Variants in GINS4 observed in about 807,000 individuals in gnomAD.
GINS4 encodes DNA replication complex GINS protein SLD5.
In GINS4, 20 loss-of-function variants were observed where a neutral mutation model predicts 31.1. The ratio of observed to expected loss-of-function variants is 0.64; its 90% confidence interval spans 0.45 to 0.93. The LOEUF (loss-of-function observed/expected upper bound fraction) is 0.93. Among genes scored for constraint, GINS4 ranks in the 40% least tolerant of loss-of-function variants. GINS4 has a pLI of 0.00. For synonymous variants in GINS4, 85 were observed against 97.9 expected (o/e 0.87, Z 0.78); for missense variants, 245 against 273.9 (o/e 0.89, Z 0.75).
chr8:41,533,392 C>T (rs1585619373), intron 2 of GINS4, among the ~76,000 whole-genome samples: 2 of 152,196 alleles, frequency 1.3e-5, no homozygotes, highest in African/African-American at 4.8e-5. Flanking sequence ...TGAGCATCAT[C>T]GGGGTCCTTG....
chr8:41,541,710 C>A, intron 6 of GINS4, 99 bp from the exon 7 acceptor site: 1 of 890,964 alleles, frequency 1.1e-6, no homozygotes, highest in Non-Finnish European at 1.8e-6. Flanking sequence ...GGGCTCCTAT[C>A]TAAACCCTGA....
intron 1 of GINS4, 26 bp downstream of exon 1, chr8:41,529,422 GCT>G (rs1391848949): frequency 1.3e-5 from 2 of 152,326 alleles, no homozygotes; most frequent in Non-Finnish European, 2.9e-5. Flanking sequence ...GACCTCTGTG[GCT>G]AGGGCAGGCC....
chr8:41,532,723 C>G (rs1188415831), intron 2 of GINS4, among the ~76,000 whole-genome samples: 1 of 151,434 alleles, frequency 6.6e-6, no homozygotes, highest in Non-Finnish European at 1.5e-5. Context: ...ATCCCAGCTA[C>G]TCAGGAGGTT....
At position 41,538,606 on chromosome 8, in the gene GINS4, G is replaced by C. The variant is rs80066009; in HGVS notation, c.298-1072G>C. Among the ~76,000 whole-genome samples, 269 of 151,980 alleles carry C rather than the reference G, an allele frequency of 1.8e-3. 5 individuals carry two copies. Among genetic ancestry groups the C allele is most frequent in the African/African-American group, 6.0e-3 (247 of 41,420 alleles). On this transcript the variant is annotated intron_variant, in intron 4 of 7. Transcript: ENST00000276533. ...TCTTAAGCTTTATCTTATTAAATTG[G>C]GCCATTTCCCTTGTCTCTGGATGCT... is the stretch of plus-strand genomic sequence containing the variant.
chr8:41,537,372 C>CCCCAGCCCAAGTT, intron 4 of GINS4, 79 bp downstream of exon 4: 1 of 1,087,828 alleles, frequency 9.2e-7, no homozygotes, highest in Non-Finnish European at 1.4e-6. Context: ...AAAACTTGGG[C>CCCCAGCCCAAGTT]TGGGGCCCAG....
intron 4 of GINS4, among the ~76,000 whole-genome samples, chr8:41,539,335 A>G (rs895430132): frequency 6.7e-6 from 1 of 149,840 alleles, no homozygotes; most frequent in Non-Finnish European, 1.5e-5. Context: ...AAAAAAAAAA[A>G]AAAAAAAACC....
At position 41,530,347 on chromosome 8, in the gene GINS4, A is replaced by T. The variant is rs751141338; in HGVS notation, c.96+49A>T. The T allele has an allele frequency of 2.3e-6, 3 of 1,322,278 alleles. No individual in the cohort carries two copies. In the Admixed American group the frequency reaches 5.7e-5, roughly 25 times the overall value. The allele number at this position is 1,322,278 out of a possible 1,614,324, so 81.9% of individuals were successfully genotyped here. Reference sequence around the variant, plus strand: ...TTTGCTCCAGTCAGCCTTTTTATTTAGTTCAACTGTGAATATCAGGGATCA... The same window carrying T: ...TTTGCTCCAGTCAGCCTTTTTATTTTGTTCAACTGTGAATATCAGGGATCA... On this transcript the variant is annotated intron_variant, in intron 2 of 7. Transcript: ENST00000276533.
intron 4 of GINS4, 45 bp from the exon 5 acceptor site, chr8:41,539,633 G>A: frequency 7.4e-7 from 1 of 1,345,584 alleles, no homozygotes; most frequent in Non-Finnish European, 1.1e-6. Flanking sequence ...CCTTCTCTTT[G>A]ACTTTTGCCA....
chr8:41,535,582 G>T (rs1405052691), intron 2 of GINS4, among the ~76,000 whole-genome samples: 1 of 152,040 alleles, frequency 6.6e-6, no homozygotes, highest in Admixed American at 6.6e-5. Flanking sequence ...GACACTCAAG[G>T]ACGTCAGAAA....
At chr8:41,532,886 G>C (rs1293237735) in intron 2 of GINS4, among the ~76,000 whole-genome samples, 1 of 151,948 alleles carries the variant, frequency 6.6e-6, no homozygotes, top group Non-Finnish European at 1.5e-5. Context: ...TACTGCCGTG[G>C]GATATAAATA....
At chr8:41,536,480 G>A (rs1806743683) in intron 3 of GINS4, 34 bp downstream of exon 3, 1 of 1,335,962 alleles carries the variant, frequency 7.5e-7, no homozygotes, top group East Asian at 2.3e-5. Context: ...GACAAAGGAG[G>A]AGAAAGGTAA....
At position 41,535,938 on chromosome 8, in the gene GINS4, T is replaced by G. The variant is rs192274160; in HGVS notation, c.97-422T>G. Among the ~76,000 whole-genome samples the G allele has an allele frequency of 3.9e-5, 6 of 152,322 alleles. No homozygotes were observed. In the East Asian group the frequency reaches 1.2e-3, roughly 29 times the overall value. ...TGATGAATGAAAAATATTTGTGAAG[T>G]GCTCTGAGCTTCAGGAATGAAGAGC... On this transcript the variant is annotated intron_variant, in intron 2 of 7. Transcript: ENST00000276533.
chr8:41,534,290 C>A, intron 2 of GINS4: 1 of 408,778 alleles, frequency 2.4e-6, no homozygotes, highest in South Asian at 1.8e-5. Flanking sequence ...ACCTTTAGTC[C>A]CAGCTACTCT....
chr8:41,541,400 A>G (rs1441430717), intron 6 of GINS4, among the ~76,000 whole-genome samples: 1 of 152,174 alleles, frequency 6.6e-6, no homozygotes, highest in Non-Finnish European at 1.5e-5. Flanking sequence ...GACACCAGTC[A>G]GATTGGATTA....
At chr8:41,533,250 T>C (rs572414932) in intron 2 of GINS4, among the ~76,000 whole-genome samples, 88 of 152,158 alleles carry the variant, frequency 5.8e-4, no homozygotes, top group Non-Finnish European at 1.1e-3. Context: ...AAGTTCAAAC[T>C]TGCAAAATTA....
intron 3 of GINS4, 70 bp from the exon 4 acceptor site, chr8:41,537,110 G>A: frequency 1.1e-6 from 1 of 898,252 alleles, no homozygotes; most frequent in Non-Finnish European, 1.8e-6. Context: ...CATAGTCTGG[G>A]TCCTCAACGT....
chr8:41,530,494 A>G (rs1806633410), intron 2 of GINS4, among the ~76,000 whole-genome samples, 196 bp downstream of exon 2: 1 of 152,212 alleles, frequency 6.6e-6, no homozygotes, highest in Non-Finnish European at 1.5e-5. Context: ...CAAACACAGC[A>G]TCCCCAAGTG....
At chr8:41,532,433 G>C (rs1025685778) in intron 2 of GINS4, among the ~76,000 whole-genome samples, 1 of 151,074 alleles carries the variant, frequency 6.6e-6, no homozygotes, top group Non-Finnish European at 1.5e-5. Context: ...GCTCATGCCT[G>C]TAGTTCTAGC....
chr8:41,535,710 C>A (rs1806730418), intron 2 of GINS4, among the ~76,000 whole-genome samples: 1 of 152,136 alleles, frequency 6.6e-6, no homozygotes, highest in Non-Finnish European at 1.5e-5. Context: ...GTTCTCTAAG[C>A]CTTGGAAGTC....
Sources: allele counts gnomAD v4.1 joint callset (sites outside exome capture counted in the v4.1 genomes callset), GRCh38; gene constraint gnomAD v4.1.1; transcripts MANE v1.5; gene names NCBI Gene and HGNC (gene_info 2026-07-23, HGNC 2026-07-21).